ATP5MGL: variants seen among roughly 807,000 people sequenced by gnomAD.
ATP5MGL encodes ATP synthase membrane subunit g like.
For synonymous variants in ATP5MGL, 56 were observed against 48.3 expected, an observed-to-expected ratio of 1.16 and a Z score of -0.66; for missense variants, 119 against 123.1, an observed-to-expected ratio of 0.97 and a Z score of 0.16.
rs148856876 is a variant in ATP5MGL at position 42,640,258 on chromosome 22, C to T, written c.17G>A (p.Arg6His). Residue 6 changes from arginine to histidine, a missense_variant, in exon 1 of 1, where the codon CGT becomes CAT. Transcript: ENST00000505920. MAPFV[R>H]NLVEKTPALV... Reference sequence around the variant, plus strand: ...TGCTGGGGTCTTCTCCACAAGGTTACGGACAAATGGAGCCATGGTTCTGGG... The same window carrying T: ...TGCTGGGGTCTTCTCCACAAGGTTATGGACAAATGGAGCCATGGTTCTGGG... 1,273 of 1,567,486 alleles carry T rather than the reference C, an allele frequency of 8.1e-4. 5 individuals carry two copies. The African/African-American group carries it at 0.014, about 18-fold the overall frequency.
chr22:42,640,220 C>A lies in ATP5MGL; in HGVS notation c.55G>T (p.Ala19Ser). The A allele has an allele frequency of 6.3e-7, 1 of 1,596,618 alleles. No individual in the cohort carries two copies. The highest frequency in any genetic ancestry group is 8.5e-7 in the Non-Finnish European group (1 of 1,173,634). ...AATCGAGGCTTCAAGTAAGTCACAGCAGCATTCACCAGTGCTGGGGTCTTC... is the reference window on the plus strand; with the variant it reads ...AATCGAGGCTTCAAGTAAGTCACAGAAGCATTCACCAGTGCTGGGGTCTTC... ...VEKTPALVNAAVTYLKPRLAA... is the reference protein window; with the variant it reads ...VEKTPALVNASVTYLKPRLAA... The change falls in exon 1 of 1, where the codon GCT becomes TCT. Residue 19 changes from alanine (A) to serine (S), a missense_variant. Physicochemically the swap from Ala to Ser is moderately conservative, Grantham distance 99. Coordinates refer to ENST00000505920, the MANE Select transcript of ATP5MGL (RefSeq NM_001165877.1).
chr22:42,640,283 G>T lies in ATP5MGL; in HGVS notation c.-9C>A. 1 of 1,550,120 alleles carries T rather than the reference G, an allele frequency of 6.5e-7. No individual in the cohort carries two copies. Among genetic ancestry groups the T allele is most frequent in the Non-Finnish European group, 8.7e-7 (1 of 1,149,880 alleles). Reference sequence around the variant, plus strand: ...CGGACAAATGGAGCCATGGTTCTGGGATGGAAAGTCCATCATCCCGAATGG... The same window carrying T: ...CGGACAAATGGAGCCATGGTTCTGGTATGGAAAGTCCATCATCCCGAATGG... On this transcript the variant is annotated 5_prime_UTR_variant, in exon 1 of 1. Coordinates refer to ENST00000505920, the MANE Select transcript of ATP5MGL (RefSeq NM_001165877.1).
In ATP5MGL at chr22:42,640,449, GCTAA is replaced by G. The variant is rs1929197653; in HGVS notation, c.-179_-176del. Reference sequence around the variant, plus strand: ...GCTGGAGTACAGTGGTGTGATCTTGGCTAACTGTGACCTCCGCCTCCCGGGTTCA... The same window carrying G: ...GCTGGAGTACAGTGGTGTGATCTTGGCTGTGACCTCCGCCTCCCGGGTTCA... On this transcript the variant is annotated 5_prime_UTR_variant, in exon 1 of 1. Coordinates refer to ENST00000505920, the MANE Select transcript of ATP5MGL (RefSeq NM_001165877.1). 1 of 409,228 alleles carries G rather than the reference GCTAA, an allele frequency of 2.4e-6. No individual in the cohort carries two copies. The highest frequency in any genetic ancestry group is 3.7e-6 in the Non-Finnish European group (1 of 267,942). 25.3% of individuals were successfully genotyped at this position (409,228 alleles called of 1,614,324 possible). A position where few individuals can be genotyped will look rare whatever the true frequency, so the allele number is the denominator to read the frequency against.
At position 42,639,866 on chromosome 22, in the gene ATP5MGL, TGA is replaced by T; in HGVS notation, c.*104_*105del. The T allele has an allele frequency of 7.6e-7, 1 of 1,315,992 alleles. No individual in the cohort carries two copies. The highest frequency in any genetic ancestry group is 1.5e-5 in the African/African-American group (1 of 67,052). The allele number at this position is 1,315,992 out of a possible 1,614,324, so 81.5% of individuals were successfully genotyped here. Reference sequence around the variant, plus strand: ...CACTTTTTTTTTTTTTTGGAATTTCTGACAAATCTTATTTTATTCAGATAGCA... The same window carrying T: ...CACTTTTTTTTTTTTTTGGAATTTCTCAAATCTTATTTTATTCAGATAGCA... On this transcript the variant is annotated 3_prime_UTR_variant, in exon 1 of 1. Transcript: ENST00000505920.
chr22:42,639,860 A>C lies in ATP5MGL; in HGVS notation c.*112T>G. 1 of 1,238,732 alleles carries C rather than the reference A, an allele frequency of 8.1e-7. No homozygotes were observed. Among genetic ancestry groups the C allele is most frequent in the Non-Finnish European group, 1.1e-6 (1 of 926,926 alleles). The allele number at this position is 1,238,732 out of a possible 1,614,324, so 76.7% of individuals were successfully genotyped here. A position where few individuals can be genotyped will look rare whatever the true frequency, so the allele number is the denominator to read the frequency against. On this transcript the variant is annotated 3_prime_UTR_variant, in exon 1 of 1. Coordinates refer to ENST00000505920, the MANE Select transcript of ATP5MGL (RefSeq NM_001165877.1). ...TTGATTCACTTTTTTTTTTTTTTGGAATTTCTGACAAATCTTATTTTATTC... is the reference window on the plus strand; with the variant it reads ...TTGATTCACTTTTTTTTTTTTTTGGCATTTCTGACAAATCTTATTTTATTC...
chr22:42,639,853 T>C lies in ATP5MGL; in HGVS notation c.*119A>G, dbSNP rs1929143184. The C allele has an allele frequency of 9.5e-6, 12 of 1,263,344 alleles. No individual in the cohort carries two copies. Among genetic ancestry groups the C allele is most frequent in the Non-Finnish European group, 1.3e-5 (12 of 941,700 alleles). The allele number at this position is 1,263,344 out of a possible 1,614,324, so 78.3% of individuals were successfully genotyped here. A position where few individuals can be genotyped will look rare whatever the true frequency, so the allele number is the denominator to read the frequency against. The stretch of plus-strand genomic sequence containing the variant: ...GAACTGCTTGATTCACTTTTTTTTT[T>C]TTTTGGAATTTCTGACAAATCTTAT... On this transcript the variant is annotated 3_prime_UTR_variant, in exon 1 of 1. Coordinates refer to ENST00000505920, the MANE Select transcript of ATP5MGL (RefSeq NM_001165877.1).
At chr22:42,640,085 TA>T in the ATP5MGL span, 1 of 1,613,938 alleles carries the variant, frequency 6.2e-7, no homozygotes, top group African/African-American at 1.3e-5. Flanking sequence ...TGTTTGAAGC[TA>T]CCAGTCTGAG....
At position 42,640,007 on chromosome 22, in the gene ATP5MGL, T is replaced by C. The variant is rs1314527887; in HGVS notation, c.268A>G (p.Arg90Gly). 1.2e-6 allele frequency: 2 copies of C among 1,612,890 alleles called. No homozygotes were observed. Among genetic ancestry groups the C allele is most frequent in the Non-Finnish European group, 1.7e-6 (2 of 1,180,006 alleles). ...ATEVSTWFYV[R>G]EITGKRGIIG ...ATGCCACGCTTGCCTGTGATCTCTCTGACATAAAACCACGTCGACACCTCA... is the reference window on the plus strand; with the variant it reads ...ATGCCACGCTTGCCTGTGATCTCTCCGACATAAAACCACGTCGACACCTCA... The change falls in exon 1 of 1, where the codon AGA becomes GGA. Residue 90 changes from arginine to glycine, a missense_variant. Physicochemically the swap from Arg to Gly is moderately radical, Grantham distance 125. Coordinates refer to ENST00000505920, the MANE Select transcript of ATP5MGL (RefSeq NM_001165877.1).
Position 42,640,296 on chromosome 22 carries a change from T to C in ATP5MGL, c.-22A>G. 1 of 1,537,516 alleles carries C rather than the reference T, an allele frequency of 6.5e-7. No homozygotes were observed. The highest frequency in any genetic ancestry group is 2.0e-5 in the Admixed American group (1 of 51,192). ...CCATGGTTCTGGGATGGAAAGTCCA[T>C]CATCCCGAATGGCCAGCTGAAGGTC... On this transcript the variant is annotated 5_prime_UTR_variant, in exon 1 of 1. The change abolishes an upstream ATG in the 5' untranslated region. Coordinates refer to ENST00000505920, the MANE Select transcript of ATP5MGL (RefSeq NM_001165877.1).
Position 42,640,199 on chromosome 22 carries a change from G to C in ATP5MGL, c.76C>G (p.Arg26Gly). The change falls in exon 1 of 1, where the codon CGA becomes GGA. Residue 26 changes from arginine to glycine, a missense_variant. By Grantham distance (125) the Arg-to-Gly change is moderately radical. Coordinates refer to ENST00000505920, the MANE Select transcript of ATP5MGL (RefSeq NM_001165877.1). ...VNAAVTYLKP[R>G]LAAFWYYTTV... ...GTGTAGTACCAAAATGCGGCCAATC[G>C]AGGCTTCAAGTAAGTCACAGCAGCA... 1 of 1,607,292 alleles carries C rather than the reference G, an allele frequency of 6.2e-7. No homozygotes were observed. Among genetic ancestry groups the C allele is most frequent in the Non-Finnish European group, 8.5e-7 (1 of 1,178,014 alleles).
In ATP5MGL at chr22:42,640,242, C is replaced by G. The variant is rs1259612297; in HGVS notation, c.33G>C (p.Lys11Asn). 9 of 1,580,928 alleles carry G rather than the reference C, an allele frequency of 5.7e-6. No homozygotes were observed. Among genetic ancestry groups the G allele is most frequent in the Non-Finnish European group, 7.7e-6 (9 of 1,166,598 alleles). The change falls in exon 1 of 1, where the codon AAG becomes AAC. Residue 11 changes from lysine (K) to asparagine (N), a missense_variant. Coordinates refer to ENST00000505920, the MANE Select transcript of ATP5MGL (RefSeq NM_001165877.1). ...CAGCAGCATTCACCAGTGCTGGGGT[C>G]TTCTCCACAAGGTTACGGACAAATG... The part of the protein sequence containing the change: MAPFVRNLVE[K>N]TPALVNAAVT...
In ATP5MGL at chr22:42,640,299, T is replaced by C. The variant is rs1449638829; in HGVS notation, c.-25A>G. ...TGGTTCTGGGATGGAAAGTCCATCA[T>C]CCCGAATGGCCAGCTGAAGGTCACC... On this transcript the variant is annotated 5_prime_UTR_variant, in exon 1 of 1. It removes an upstream start codon present in the reference 5' UTR. Transcript: ENST00000505920. The C allele has an allele frequency of 3.3e-6, 5 of 1,534,980 alleles. No individual in the cohort carries two copies. The highest frequency in any genetic ancestry group is 3.5e-6 in the Non-Finnish European group (4 of 1,140,804).
rs745582457 is a variant in ATP5MGL at position 42,640,068 on chromosome 22, T to G, written c.207A>C (p.Thr69=). The change falls in exon 1 of 1, where the codon ACA becomes ACC. Residue 69 remains threonine, a synonymous_variant. Transcript: ENST00000505920. ...AACCGTTCAGCAAAGCTTCCTTAAC[T>G]GTGAGCTGTTTGAAGCTACCAGTCT... ...SAQTGSFKQL[T]VKEALLNGLV... 1.3e-5 allele frequency: 21 copies of G among 1,613,796 alleles called. No homozygotes were observed. Among genetic ancestry groups the G allele is most frequent in the South Asian group, 3.3e-5 (3 of 91,094 alleles).
At position 42,640,056 on chromosome 22, in the gene ATP5MGL, A is replaced by G; in HGVS notation, c.219T>C (p.Ala73=). 1 of 1,613,864 alleles carries G rather than the reference A, an allele frequency of 6.2e-7. No homozygotes were observed. Residue 73 remains alanine, a synonymous_variant, in exon 1 of 1, where the codon GCT becomes GCC. Transcript: ENST00000505920. ...CAGTGGCCACCAAACCGTTCAGCAA[A>G]GCTTCCTTAACTGTGAGCTGTTTGA... ...GSFKQLTVKE[A]LLNGLVATEV...
Position 42,640,281 on chromosome 22 carries a change from G to A in ATP5MGL, c.-7C>T, listed in dbSNP as rs2146902435. 6.4e-7 allele frequency: 1 copy of A among 1,550,396 alleles called. No individual in the cohort carries two copies. Among genetic ancestry groups the A allele is most frequent in the East Asian group, 2.4e-5 (1 of 41,378 alleles). On this transcript the variant is annotated 5_prime_UTR_variant, in exon 1 of 1. It introduces an in-frame stop codon into an upstream open reading frame of the 5' UTR. Transcript: ENST00000505920. ...TACGGACAAATGGAGCCATGGTTCT[G>A]GGATGGAAAGTCCATCATCCCGAAT... is the stretch of plus-strand genomic sequence containing the variant.
chr22:42,639,993 G>A lies in ATP5MGL; in HGVS notation c.282C>T (p.Gly94=). ...STWFYVREIT[G]KRGIIG ...CATTCTAGCCAATGATGCCACGCTT[G>A]CCTGTGATCTCTCTGACATAAAACC... Residue 94 remains glycine, a synonymous_variant, in exon 1 of 1, where the codon GGC becomes GGT. Coordinates refer to ENST00000505920, the MANE Select transcript of ATP5MGL (RefSeq NM_001165877.1). 1 of 1,612,380 alleles carries A rather than the reference G, an allele frequency of 6.2e-7. No homozygotes were observed. The highest frequency in any genetic ancestry group is 8.5e-7 in the Non-Finnish European group (1 of 1,179,940).
Position 42,640,201 on chromosome 22 carries a change from G to A in ATP5MGL, c.74C>T (p.Pro25Leu). ...GTAGTACCAAAATGCGGCCAATCGA[G>A]GCTTCAAGTAAGTCACAGCAGCATT... ...LVNAAVTYLK[P>L]RLAAFWYYTT... The change falls in exon 1 of 1, where the codon CCT (proline) becomes CTT (leucine). Residue 25 changes from proline (P) to leucine (L), a missense_variant. Physicochemically the swap from Pro to Leu is moderately conservative, Grantham distance 98. Transcript: ENST00000505920. 6.2e-7 allele frequency: 1 copy of A among 1,607,294 alleles called. No homozygotes were observed. The highest frequency in any genetic ancestry group is 1.7e-4 in the Middle Eastern group (1 of 6,060).
Position 42,640,083 on chromosome 22 carries a change from G to A in ATP5MGL, c.192C>T (p.Ser64=), listed in dbSNP as rs764141942. 4 of 1,613,862 alleles carry A rather than the reference G, an allele frequency of 2.5e-6. No individual in the cohort carries two copies. The highest frequency in any genetic ancestry group is 1.3e-5 in the African/African-American group (1 of 75,034). Residue 64 remains serine, a synonymous_variant, in exon 1 of 1, where the codon AGC becomes AGT. Transcript: ENST00000505920. ...CTTCCTTAACTGTGAGCTGTTTGAA[G>A]CTACCAGTCTGAGCACTACTGACTA... ...KKIVSSAQTG[S]FKQLTVKEAL... is the part of the protein sequence containing the mutation.
rs535595331 is a variant in ATP5MGL, at chr22:42,639,814, T to C, written c.*158A>G. On this transcript the variant is annotated 3_prime_UTR_variant, in exon 1 of 1. Transcript: ENST00000505920. ...TTCAAAATATAGACACAGTTGACCC[T>C]TGAACATGGGTTGGAACTGCTTGAT... 3.4e-5 allele frequency: 32 copies of C among 928,736 alleles called. 2 individuals carry two copies. The South Asian group carries it at 5.0e-4, about 14-fold the overall frequency. 57.5% of individuals were successfully genotyped at this position (928,736 alleles called of 1,614,324 possible). A position where few individuals can be genotyped will look rare whatever the true frequency, so the allele number is the denominator to read the frequency against.
Sources: allele counts gnomAD v4.1 joint callset, GRCh38; gene constraint gnomAD v4.1.1; transcripts MANE v1.5; gene names NCBI Gene and HGNC (gene_info 2026-07-23, HGNC 2026-07-21).